BBX: variants seen among roughly 807,000 people sequenced by gnomAD.
The protein encoded by BBX is BBX high mobility group box domain containing, also known as HMG box transcription factor BBX.
In BBX, 30 loss-of-function variants were observed where a neutral mutation model predicts 100.2. The observed-to-expected ratio is 0.30, with a 90% CI of 0.22 to 0.41. The LOEUF (loss-of-function observed/expected upper bound fraction) is 0.41. Ranked by LOEUF, BBX falls within the 10% of genes least tolerant of loss-of-function variation. The pLI, the probability that BBX is intolerant of heterozygous loss-of-function variation, is 1.00. For missense variants in BBX, 1,023 were observed against 1,129.8 expected, an observed-to-expected ratio of 0.91 and a Z score of 1.35; for synonymous variants, 376 against 388.1, an observed-to-expected ratio of 0.97 and a Z score of 0.37.
intron 2 of BBX, among the ~76,000 whole-genome samples, chr3:107,598,095 C>T (rs555241054): frequency 6.6e-6 from 1 of 152,260 alleles, no homozygotes; most frequent in South Asian, 2.1e-4. Flanking sequence ...CTTTGGAAAA[C>T]CATGTGCTTC....
chr3:107,802,846 T>G, intron 17 of BBX, among the ~76,000 whole-genome samples: 1 of 152,190 alleles, frequency 6.6e-6, no homozygotes, highest in Middle Eastern at 3.2e-3. Flanking sequence ...TCTTGCCTTG[T>G]ACATCCTCTG....
chr3:107,568,931 A>G (rs2051139054), intron 2 of BBX, among the ~76,000 whole-genome samples: 1 of 152,210 alleles, frequency 6.6e-6, no homozygotes, highest in South Asian at 2.1e-4. Context: ...GATTCCAACA[A>G]TCACACAGAG....
intron 1 of BBX, among the ~76,000 whole-genome samples, chr3:107,524,975 T>G: frequency 6.7e-6 from 1 of 149,512 alleles, no homozygotes; most frequent in East Asian, 2.1e-4. Flanking sequence ...GTTCCCGGGG[T>G]GGCTGACTGG....
At chr3:107,589,892 T>C (rs1014662187) in intron 2 of BBX, among the ~76,000 whole-genome samples, 3 of 152,236 alleles carry the variant, frequency 2.0e-5, no homozygotes, top group Admixed American at 6.5e-5. Flanking sequence ...GCTAGAGGTT[T>C]CATGCTCTAT....
intron 2 of BBX, among the ~76,000 whole-genome samples, chr3:107,597,526 T>C (rs891932006): frequency 6.6e-6 from 1 of 152,174 alleles, no homozygotes; most frequent in African/African-American, 2.4e-5. Context: ...ATGAATATTA[T>C]TGGGGAAAGA....
intron 9 of BBX, among the ~76,000 whole-genome samples, chr3:107,752,176 A>G (rs2065127520): frequency 6.6e-6 from 1 of 152,214 alleles, no homozygotes; most frequent in African/African-American, 2.4e-5. Flanking sequence ...CTTCCCTTAG[A>G]AGATATTTGC....
chr3:107,644,106 T>C (rs1382876045), intron 2 of BBX, among the ~76,000 whole-genome samples: 1 of 152,208 alleles, frequency 6.6e-6, no homozygotes, highest in East Asian at 1.9e-4. Flanking sequence ...AAAGTGCAAT[T>C]ATGGTCAACT....
At chr3:107,618,386 T>C (rs1367801235) in intron 2 of BBX, among the ~76,000 whole-genome samples, 1 of 152,086 alleles carries the variant, frequency 6.6e-6, no homozygotes, top group Non-Finnish European at 1.5e-5. Flanking sequence ...AAAATTGTTT[T>C]TCTGTTTTCA....
At chr3:107,650,254 G>A (rs866355336) in intron 3 of BBX, among the ~76,000 whole-genome samples, 1 of 152,122 alleles carries the variant, frequency 6.6e-6, no homozygotes, top group East Asian at 1.9e-4. Context: ...TGTCAGATCA[G>A]CAGCGGCATT....
At chr3:107,606,296 A>G (rs568538544) in intron 2 of BBX, among the ~76,000 whole-genome samples, 6 of 152,370 alleles carry the variant, frequency 3.9e-5, no homozygotes, top group African/African-American at 1.4e-4. Context: ...TATTGTAGTT[A>G]CTAAAGCAAG....
intron 2 of BBX, among the ~76,000 whole-genome samples, chr3:107,569,652 A>G (rs902288695): frequency 2.0e-5 from 3 of 152,178 alleles, no homozygotes; most frequent in African/African-American, 7.2e-5. Context: ...ACTAAAAAGG[A>G]CTGTATAAAA....
Position 107,785,758 on chromosome 3 carries a change from A to T in BBX, c.2204-4029A>T, listed in dbSNP as rs1035959305. On this transcript the variant is annotated intron_variant, in intron 13 of 17. Transcript: ENST00000325805. ...GTAAAATACTGGATGCTTTCCCCCTAGGCAAAGGGGCAATACAAGAATATC... is the reference window on the plus strand; with the variant it reads ...GTAAAATACTGGATGCTTTCCCCCTTGGCAAAGGGGCAATACAAGAATATC... Among the ~76,000 whole-genome samples, 5 of 152,098 alleles carry T rather than the reference A, an allele frequency of 3.3e-5. No individual in the cohort carries two copies. In the East Asian group the frequency reaches 9.6e-4, roughly 29 times the overall value.
At chr3:107,784,124 A>G (rs556363582) in intron 13 of BBX, among the ~76,000 whole-genome samples, 3 of 152,152 alleles carry the variant, frequency 2.0e-5, no homozygotes, top group South Asian at 4.1e-4. Flanking sequence ...GTGAATGAAA[A>G]CAACCCTACT....
chr3:107,591,097 AT>A (rs942501515), intron 2 of BBX, among the ~76,000 whole-genome samples: 20 of 152,180 alleles, frequency 1.3e-4, no homozygotes, highest in East Asian at 9.6e-4. Flanking sequence ...TTCTGGATAG[AT>A]TTTTTTCCCC....
intron 2 of BBX, among the ~76,000 whole-genome samples, chr3:107,550,837 A>T (rs1447769143): frequency 6.6e-6 from 1 of 152,194 alleles, no homozygotes; most frequent in Non-Finnish European, 1.5e-5. Flanking sequence ...TAGGGTGGCC[A>T]TAGGGACTAT....
intron 2 of BBX, among the ~76,000 whole-genome samples, chr3:107,573,170 C>G (rs979921983): frequency 3.9e-5 from 6 of 152,132 alleles, no homozygotes; most frequent in African/African-American, 2.4e-5. Flanking sequence ...CAAGCTATGT[C>G]TAATGGAGAT....
intron 5 of BBX, among the ~76,000 whole-genome samples, chr3:107,724,885 A>T (rs561067803): frequency 6.6e-6 from 1 of 152,182 alleles, no homozygotes; most frequent in Non-Finnish European, 1.5e-5. Context: ...TGACTTGGCA[A>T]TGCGGGTTCC....
chr3:107,598,952 G>T (rs1272253869), intron 2 of BBX, among the ~76,000 whole-genome samples: 1 of 152,108 alleles, frequency 6.6e-6, no homozygotes, highest in Non-Finnish European at 1.5e-5. Flanking sequence ...AGCTAGGCAA[G>T]CCTGGGGCCC....
intron 3 of BBX, among the ~76,000 whole-genome samples, chr3:107,656,624 C>T (rs1339946808): frequency 1.3e-5 from 2 of 152,142 alleles, no homozygotes; most frequent in Non-Finnish European, 2.9e-5. Flanking sequence ...AATCTTTCTC[C>T]TGCTCTGTTC....
Sources: gnomAD v4.1 joint callset for allele counts (sites outside exome capture counted in the v4.1 genomes callset) on GRCh38, gnomAD v4.1.1 for gene constraint, MANE v1.5 for transcripts, NCBI Gene and HGNC (gene_info 2026-07-23, HGNC 2026-07-21) for gene names.